LATS2: variants seen among roughly 807,000 people sequenced by gnomAD.
LATS2 encodes large tumor suppressor kinase 2, also known as serine/threonine-protein kinase LATS2.
A neutral mutation model predicts 76.0 loss-of-function variants in LATS2; 24 were observed. The observed-to-expected ratio is 0.32, with a 90% CI of 0.23 to 0.44. LATS2 has a LOEUF of 0.44. Ranked by LOEUF, LATS2 falls within the 20% of genes least tolerant of loss-of-function variation. The probability of loss-of-function intolerance (pLI) is 1.00; values close to 1 mark genes in which losing one functional copy is unlikely to be tolerated. For synonymous variants in LATS2, 692 were observed against 635.4 expected, an observed-to-expected ratio of 1.09 and a Z score of -1.34; for missense variants, 1,286 against 1,481.2, an observed-to-expected ratio of 0.87 and a Z score of 2.16.
At chr13:21,057,198 T>C (rs911319116) in intron 1 of LATS2, among the ~76,000 whole-genome samples, 27 of 152,222 alleles carry the variant, frequency 1.8e-4, no homozygotes, top group Admixed American at 2.0e-4. Context: ...CTATAGGATC[T>C]AAACTACACT....
chr13:20,989,102 G>A lies in LATS2; in HGVS notation c.678C>T (p.His226=). ...AGCCCTTGGGTGGGTGCTGGTGCTG[G>A]TGGCCGGGCCCGTGGGGGCCGACTC... ...FPGVGPHGPG[H]QHQHPPKGYG... The change falls in exon 4 of 8, where the codon CAC becomes CAT. Residue 226 remains histidine (H), a synonymous_variant. Coordinates refer to ENST00000382592, the MANE Select transcript of LATS2 (RefSeq NM_014572.3). 1 of 1,601,634 alleles carries A rather than the reference G, an allele frequency of 6.2e-7. No homozygotes were observed. The highest frequency in any genetic ancestry group is 8.5e-7 in the Non-Finnish European group (1 of 1,175,538).
chr13:21,023,673 A>C (rs1412653608), intron 2 of LATS2, among the ~76,000 whole-genome samples: 1 of 28,016 alleles, frequency 3.6e-5, no homozygotes, highest in African/African-American at 6.5e-5. Flanking sequence ...AAAAAAAAAA[A>C]AAAAAAAAAA....
At chr13:20,987,699 A>C (rs549827407) in intron 4 of LATS2, among the ~76,000 whole-genome samples, 182 bp downstream of exon 4, 1 of 152,322 alleles carries the variant, frequency 6.6e-6, no homozygotes, top group Non-Finnish European at 1.5e-5. Flanking sequence ...GGGAAAGGCG[A>C]AAGGGAGGTC....
At chr13:21,051,241 C>T (rs1832682492) in intron 1 of LATS2, among the ~76,000 whole-genome samples, 2 of 152,218 alleles carry the variant, frequency 1.3e-5, no homozygotes, top group South Asian at 4.1e-4. Context: ...AACCTGAACA[C>T]CCACACAAGG....
intron 2 of LATS2, among the ~76,000 whole-genome samples, chr13:21,030,664 C>T (rs1219329389): frequency 2.0e-5 from 3 of 151,552 alleles, no homozygotes; most frequent in Non-Finnish European, 4.4e-5. Context: ...TTTAACTCCC[C>T]CAACTCATAG....
At chr13:21,042,399 T>C (rs1872907388) in intron 2 of LATS2, among the ~76,000 whole-genome samples, 1 of 152,198 alleles carries the variant, frequency 6.6e-6, no homozygotes, top group African/African-American at 2.4e-5. Flanking sequence ...AAATTTTACT[T>C]TAATTAAAAG....
chr13:20,989,391 T>G, intron 3 of LATS2, 87 bp from the exon 4 acceptor site: 2 of 1,403,698 alleles, frequency 1.4e-6, no homozygotes, highest in Non-Finnish European at 2.0e-6. Flanking sequence ...ACTCTAGCGC[T>G]GCCCTCGGGG....
chr13:20,990,607 C>G (rs1870465473), intron 3 of LATS2, among the ~76,000 whole-genome samples: 1 of 151,816 alleles, frequency 6.6e-6, no homozygotes, highest in African/African-American at 2.4e-5. Context: ...AAAACAAAAC[C>G]AGGCCACACA....
chr13:21,029,811 T>C (rs559272876), intron 2 of LATS2, among the ~76,000 whole-genome samples: 5 of 151,570 alleles, frequency 3.3e-5, no homozygotes, highest in South Asian at 2.1e-4. Context: ...AAAAAAGATA[T>C]TGGGGATGGG....
chr13:21,008,164 C>T (rs1871433730), intron 2 of LATS2, among the ~76,000 whole-genome samples: 1 of 151,724 alleles, frequency 6.6e-6, no homozygotes, highest in Non-Finnish European at 1.5e-5. Context: ...CACAGAGGCG[C>T]AGTGGTGCTC....
chr13:21,027,333 T>C (rs1311957850), intron 2 of LATS2, among the ~76,000 whole-genome samples: 2 of 152,248 alleles, frequency 1.3e-5, no homozygotes, highest in East Asian at 1.9e-4. Flanking sequence ...CCAAAGTTTT[T>C]AGCTGTTTTA....
intron 2 of LATS2, among the ~76,000 whole-genome samples, chr13:21,026,967 G>A (rs73443362): frequency 0.015 from 2,197 of 145,898 alleles, 60 homozygotes; most frequent in African/African-American, 0.059. Context: ...GCATTTCTCT[G>A]ATGATGAATG....
In LATS2 at chr13:20,974,085, C is replaced by A. The variant is rs1869470631; in HGVS notation, c.*785G>T. On this transcript the variant is annotated 3_prime_UTR_variant, in exon 8 of 8. Transcript: ENST00000382592. ...AGAGATACAATCATAGCGAAGAGGT[C>A]ACCCGCACAATACATTATCAGCACA... 1 of 226,242 alleles carries A rather than the reference C, an allele frequency of 4.4e-6. No homozygotes were observed. The highest frequency in any genetic ancestry group is 8.8e-6 in the Non-Finnish European group (1 of 114,246). The allele number at this position is 226,242 out of a possible 1,614,324, so 14.0% of individuals were successfully genotyped here. A position where few individuals can be genotyped will look rare whatever the true frequency, so the allele number is the denominator to read the frequency against.
Position 21,019,372 on chromosome 13 carries a change from G to T in LATS2, c.342+26313C>A, listed in dbSNP as rs561643646. Among the ~76,000 whole-genome samples, 235 of 149,560 alleles carry T rather than the reference G, an allele frequency of 1.6e-3. 1 individual carries two copies. The highest frequency in any genetic ancestry group is 5.1e-3 in the African/African-American group (210 of 41,046). On this transcript the variant is annotated intron_variant, in intron 2 of 7. Transcript: ENST00000382592. ...ACAGAGTTTCACTCTTGTAGCCCAC[G>T]CTGGAGTGCAGTGGCGCAATCTCAG...
rs150544057 is a variant in LATS2, at chr13:21,026,188, A to G, written c.342+19497T>C. 1.2e-3 allele frequency among the ~76,000 whole-genome samples: 183 copies of G among 152,306 alleles called. 1 individual carries two copies. Among genetic ancestry groups the G allele is most frequent in the African/African-American group, 4.2e-3 (175 of 41,578 alleles). ...GACCGTTCAAGTATGAAAGATGTATACACCAGTAAAATCACCATCACACCA... is the reference window on the plus strand; with the variant it reads ...GACCGTTCAAGTATGAAAGATGTATGCACCAGTAAAATCACCATCACACCA... On this transcript the variant is annotated intron_variant, in intron 2 of 7. Coordinates refer to ENST00000382592, the MANE Select transcript of LATS2 (RefSeq NM_014572.3).
Position 20,989,177 on chromosome 13 carries a change from G to A in LATS2, c.603C>T (p.Pro201=), listed in dbSNP as rs1325521561. 6.2e-7 allele frequency: 1 copy of A among 1,613,194 alleles called. No homozygotes were observed. Among genetic ancestry groups the A allele is most frequent in the Non-Finnish European group, 8.5e-7 (1 of 1,179,948 alleles). The change falls in exon 4 of 8, where the codon CCC becomes CCT. Residue 201 remains proline, a synonymous_variant. Transcript: ENST00000382592. The part of the protein sequence containing the change: ...YEGPSFGADG[P]TALEEMPRPY... Reference sequence around the variant, plus strand: ...GCCGCGGCATCTCCTCCAGCGCCGTGGGGCCGTCAGCGCCGAAGCTTGGGC... The same window carrying A: ...GCCGCGGCATCTCCTCCAGCGCCGTAGGGCCGTCAGCGCCGAAGCTTGGGC...
intron 7 of LATS2, among the ~76,000 whole-genome samples, chr13:20,977,386 A>C (rs1297888574): frequency 8.8e-6 from 1 of 113,028 alleles, no homozygotes; most frequent in African/African-American, 3.6e-5. Context: ...ACCCTGTCTC[A>C]AAAAAAAAAA....
intron 2 of LATS2, among the ~76,000 whole-genome samples, chr13:21,037,618 C>G (rs1872725990): frequency 6.6e-6 from 1 of 152,140 alleles, no homozygotes; most frequent in Non-Finnish European, 1.5e-5. Flanking sequence ...ACAGCAGATT[C>G]TGATAAACAC....
intron 2 of LATS2, among the ~76,000 whole-genome samples, chr13:21,031,224 TAGATCTGTACATG>T (rs1161011612): frequency 6.6e-6 from 1 of 152,224 alleles, no homozygotes; most frequent in Non-Finnish European, 1.5e-5. Context: ...TTAAGCTTCT[TAGATCTGTACATG>T]AATGCTTTTC....
Sources: gnomAD v4.1 joint callset for allele counts (sites outside exome capture counted in the v4.1 genomes callset) on GRCh38, gnomAD v4.1.1 for gene constraint, MANE v1.5 for transcripts, NCBI Gene and HGNC (gene_info 2026-07-23, HGNC 2026-07-21) for gene names.